The following PCSK5 variants were observed in gnomAD, a reference collection of about 807,000 sequenced individuals.
The protein encoded by PCSK5 is proprotein convertase subtilisin/kexin type 5.
Under a neutral mutation model 233.2 loss-of-function variants are expected in PCSK5, and 129 were observed. The ratio of observed to expected loss-of-function variants is 0.55; its 90% confidence interval spans 0.48 to 0.64. PCSK5 has a LOEUF of 0.64. Among genes scored for constraint, PCSK5 ranks in the 30% least tolerant of loss-of-function variants. The probability of loss-of-function intolerance (pLI) is 0.00; values close to 1 mark genes in which losing one functional copy is unlikely to be tolerated. For synonymous variants in PCSK5, 825 were observed against 879.2 expected, an observed-to-expected ratio of 0.94 and a Z score of 1.09; for missense variants, 2,076 against 2,430.1, an observed-to-expected ratio of 0.85 and a Z score of 3.06.
chr9:76,247,062 T>A (rs932050051), intron 24 of PCSK5, among the ~76,000 whole-genome samples: 1 of 152,214 alleles, frequency 6.6e-6, no homozygotes, highest in Non-Finnish European at 1.5e-5. Flanking sequence ...CAGTGACTAG[T>A]GTTCAGCTCG....
chr9:76,218,685 C>T lies in PCSK5; in HGVS notation c.2627-8818C>T, dbSNP rs570116181. On this transcript the variant is annotated intron_variant, in intron 20 of 37. Coordinates refer to ENST00000674117, the MANE Select transcript of PCSK5 (RefSeq NM_001372043.1). ...TATGAGAGAGAGAGAGAGTATTATC[C>T]ACATTTACAGAAGAGGAATGTCCGG... 3.9e-5 allele frequency among the ~76,000 whole-genome samples: 6 copies of T among 152,056 alleles called. No individual in the cohort carries two copies. In the South Asian group the frequency reaches 8.3e-4, roughly 21 times the overall value.
At chr9:76,335,801 A>C (rs1719485294) in intron 34 of PCSK5, among the ~76,000 whole-genome samples, 1 of 152,250 alleles carries the variant, frequency 6.6e-6, no homozygotes, top group Non-Finnish European at 1.5e-5. Context: ...AGAGTTACAA[A>C]GTATTTCCAC....
chr9:76,296,902 G>C (rs771246497), intron 27 of PCSK5, 37 bp downstream of exon 27: 3 of 1,352,434 alleles, frequency 2.2e-6, no homozygotes, highest in Middle Eastern at 4.7e-4. Flanking sequence ...CAGGGGTCTA[G>C]CGACCTACTC....
intron 10 of PCSK5, among the ~76,000 whole-genome samples, chr9:76,135,776 T>C (rs1220896107): frequency 1.3e-5 from 2 of 152,140 alleles, no homozygotes; most frequent in Non-Finnish European, 1.5e-5. Flanking sequence ...GGAATGAACT[T>C]CTTAGTAGAA....
intron 27 of PCSK5, among the ~76,000 whole-genome samples, chr9:76,301,580 T>C (rs1016332533): frequency 6.6e-6 from 1 of 152,204 alleles, no homozygotes; most frequent in Non-Finnish European, 1.5e-5. Context: ...CGGTGGCTCA[T>C]GCCTGTAATC....
chr9:76,033,976 T>C (rs1337965281), intron 5 of PCSK5, among the ~76,000 whole-genome samples: 1 of 152,192 alleles, frequency 6.6e-6, no homozygotes, highest in Non-Finnish European at 1.5e-5. Context: ...AGCCATAGAT[T>C]TTATATTCAT....
At chr9:75,974,594 A>G (rs1825937082) in intron 2 of PCSK5, among the ~76,000 whole-genome samples, 1 of 152,184 alleles carries the variant, frequency 6.6e-6, no homozygotes, top group Admixed American at 6.5e-5. Flanking sequence ...CCACAATTCC[A>G]GTGTTTTTGG....
At chr9:76,179,810 C>T in intron 15 of PCSK5, 112 bp downstream of exon 15, 2 of 692,742 alleles carry the variant, frequency 2.9e-6, no homozygotes, top group East Asian at 2.7e-5. Flanking sequence ...CCACTATTCT[C>T]CCACCAGGAC....
At chr9:76,239,247 G>T (rs1189896915) in intron 23 of PCSK5, 82 bp downstream of exon 23, 3 of 1,159,976 alleles carry the variant, frequency 2.6e-6, no homozygotes, top group Non-Finnish European at 3.7e-6. Flanking sequence ...GACTTGAATT[G>T]CCTTCCTGGC....
chr9:76,358,589 C>A lies in PCSK5; in HGVS notation c.5331C>A (p.Ser1777=). The change falls in exon 38 of 38, where the codon TCC becomes TCA. Residue 1777 remains serine (S), a synonymous_variant. Transcript: ENST00000674117. Reference sequence around the variant, plus strand: ...AGACAGCTCTGTTCATCACCTCCTCCATGATGCTGGTGCTTCTGCTCGGGG... The same window carrying A: ...AGACAGCTCTGTTCATCACCTCCTCAATGATGCTGGTGCTTCTGCTCGGGG... ...HFKTALFITS[S]MMLVLLLGAA... The A allele has an allele frequency of 6.2e-7, 1 of 1,612,792 alleles. No homozygotes were observed. Among genetic ancestry groups the A allele is most frequent in the Non-Finnish European group, 8.5e-7 (1 of 1,179,844 alleles).
At chr9:75,993,097 CT>C (rs150229729) in intron 3 of PCSK5, among the ~76,000 whole-genome samples, 2,378 of 152,176 alleles carry the variant, frequency 0.016, 53 homozygotes, top group African/African-American at 0.047. Flanking sequence ...CTCATAAAAT[CT>C]GGTGGAGTTT....
intron 9 of PCSK5, among the ~76,000 whole-genome samples, chr9:76,119,681 A>C (rs1243887972): frequency 6.6e-6 from 1 of 151,972 alleles, no homozygotes; most frequent in Non-Finnish European, 1.5e-5. Context: ...TAGTATGTGT[A>C]TATATTTATG....
intron 35 of PCSK5, among the ~76,000 whole-genome samples, chr9:76,338,892 A>G (rs1829755257): frequency 6.6e-6 from 1 of 152,058 alleles, no homozygotes; most frequent in Non-Finnish European, 1.5e-5. Flanking sequence ...CCAGGCTGAT[A>G]CTTTGAAGTT....
intron 1 of PCSK5, among the ~76,000 whole-genome samples, chr9:75,908,869 T>TCTATCTA (rs1564074510): frequency 8.8e-4 from 105 of 119,980 alleles, no homozygotes; most frequent in Non-Finnish European, 1.1e-3. Context: ...ATCCTTCTCT[T>TCTATCTA]TCTATTTATC....
Position 76,076,481 on chromosome 9 carries a change from C to T in PCSK5, c.894+4583C>T, listed in dbSNP as rs117423014. Reference sequence around the variant, plus strand: ...GAAGTGGTCCAGGAGAGTGTTGGACCAGGGTGGCAGCAGCATCAAGACCAT... The same window carrying T: ...GAAGTGGTCCAGGAGAGTGTTGGACTAGGGTGGCAGCAGCATCAAGACCAT... On this transcript the variant is annotated intron_variant, in intron 7 of 37. Coordinates refer to ENST00000674117, the MANE Select transcript of PCSK5 (RefSeq NM_001372043.1). 6.5e-3 allele frequency among the ~76,000 whole-genome samples: 993 copies of T among 152,212 alleles called. 4 individuals are homozygous for T. Among genetic ancestry groups the T allele is most frequent in the Admixed American group, 0.012 (177 of 15,296 alleles).
At chr9:76,341,063 A>C (rs1829821953) in intron 35 of PCSK5, among the ~76,000 whole-genome samples, 1 of 151,434 alleles carries the variant, frequency 6.6e-6, no homozygotes, top group Admixed American at 6.6e-5. Context: ...GAAAAAAAAA[A>C]AAAATACAAA....
chr9:76,308,114 T>C (rs1564170285), intron 28 of PCSK5, among the ~76,000 whole-genome samples: 1 of 152,110 alleles, frequency 6.6e-6, no homozygotes, highest in Non-Finnish European at 1.5e-5. Flanking sequence ...GGAGAATCAC[T>C]TGAGCCCAGG....
intron 13 of PCSK5, among the ~76,000 whole-genome samples, chr9:76,172,224 G>T (rs1823361408): frequency 6.6e-6 from 1 of 152,096 alleles, no homozygotes; most frequent in Non-Finnish European, 1.5e-5. Context: ...TTGGCACATT[G>T]AACCTATATA....
intron 35 of PCSK5, among the ~76,000 whole-genome samples, chr9:76,341,490 C>T (rs980587417): frequency 2.6e-5 from 4 of 152,102 alleles, no homozygotes; most frequent in Non-Finnish European, 4.4e-5. Context: ...GACGATGTCT[C>T]GCCATGTTGC....
Sources: allele counts gnomAD v4.1 joint callset (sites outside exome capture counted in the v4.1 genomes callset), GRCh38; gene constraint gnomAD v4.1.1; transcripts MANE v1.5; gene names NCBI Gene and HGNC (gene_info 2026-07-23, HGNC 2026-07-21).